The following DAGLA variants were observed in gnomAD, a reference collection of about 807,000 sequenced individuals.
DAGLA encodes diacylglycerol lipase-alpha.
In DAGLA, 22 loss-of-function variants were observed where a neutral mutation model predicts 102.6. That is an observed-to-expected ratio of 0.21 (90% CI 0.15 to 0.31). The LOEUF (loss-of-function observed/expected upper bound fraction) is 0.31. Ranked by LOEUF, DAGLA falls within the 10% of genes least tolerant of loss-of-function variation. DAGLA has a pLI of 1.00. For synonymous variants in DAGLA, 578 were observed against 628.9 expected (o/e 0.92, Z 1.21); for missense variants, 927 against 1,446.6 (o/e 0.64, Z 5.83).
At chr11:61,742,117 G>C (rs198439) in intron 19 of DAGLA, among the ~76,000 whole-genome samples, 100,958 of 152,018 alleles carry the variant, frequency 0.66, 33,877 homozygotes, top group East Asian at 0.96. Context: ...GGACAGGCAG[G>C]TGCTCATGGA....
chr11:61,699,096 G>C (rs1202618121), intron 1 of DAGLA, among the ~76,000 whole-genome samples: 5 of 152,166 alleles, frequency 3.3e-5, no homozygotes, highest in Non-Finnish European at 7.4e-5. Context: ...TATGGGTGGG[G>C]GCCAGCCTGA....
intron 17 of DAGLA, 71 bp downstream of exon 17, chr11:61,739,732 C>A (rs1052402471): frequency 1.3e-6 from 2 of 1,496,186 alleles, no homozygotes; most frequent in Non-Finnish European, 9.0e-7. Flanking sequence ...GCAGGGCCGG[C>A]CTTGGCTCAA....
At chr11:61,743,362 CAAAAAAAAAAAA>C (rs374336921) in intron 19 of DAGLA, among the ~76,000 whole-genome samples, 158 bp from the exon 20 acceptor site, 1 of 51,964 alleles carries the variant, frequency 1.9e-5, no homozygotes, top group Non-Finnish European at 4.2e-5. Flanking sequence ...GACTCTGTCT[CAAAAAAAAAAAA>C]AAAAAAAGAA....
rs2065296061 is a variant in DAGLA at position 61,722,908 on chromosome 11, C to T, written c.357C>T (p.Leu119=). ...FIYAIVGIVW[L]TQYYTSCNDL... Reference sequence around the variant, plus strand: ...ACGCCATCGTGGGCATCGTCTGGCTCACTCAGTACTACACCTCCTGCAACG... The same window carrying T: ...ACGCCATCGTGGGCATCGTCTGGCTTACTCAGTACTACACCTCCTGCAACG... Residue 119 remains leucine (L), a synonymous_variant, in exon 4 of 20, where the codon CTC becomes CTT. Transcript: ENST00000257215. The T allele has an allele frequency of 1.2e-6, 2 of 1,614,054 alleles. No homozygotes were observed. The highest frequency in any genetic ancestry group is 1.3e-5 in the African/African-American group (1 of 74,928).
At chr11:61,739,440 A>C (rs1260784596) in intron 16 of DAGLA, 25 bp from the exon 17 acceptor site, 2 of 1,479,596 alleles carry the variant, frequency 1.4e-6, no homozygotes, top group Admixed American at 1.8e-5. Context: ...CTCTGTCCCC[A>C]TCTCTCCCAC....
chr11:61,692,289 G>A (rs780757802), intron 1 of DAGLA, among the ~76,000 whole-genome samples: 1 of 152,136 alleles, frequency 6.6e-6, no homozygotes, highest in Non-Finnish European at 1.5e-5. Flanking sequence ...TGGGAGGGGA[G>A]CCTGCAGCCA....
rs2065538622 is a variant in DAGLA at position 61,746,326 on chromosome 11, T to G, written c.*1837T>G. ...GAAGCAAGACAAAATCAGTGGCTCT[T>G]AGAGTTTAGAAAACAAGACAGACTC... On this transcript the variant is annotated 3_prime_UTR_variant, in exon 20 of 20. Coordinates refer to ENST00000257215, the MANE Select transcript of DAGLA (RefSeq NM_006133.3). 6.6e-6 allele frequency: 1 copy of G among 152,438 alleles called. No individual in the cohort carries two copies. The allele number at this position is 152,438 out of a possible 1,614,324, so 9.4% of individuals were successfully genotyped here. A position where few individuals can be genotyped will look rare whatever the true frequency, so the allele number is the denominator to read the frequency against.
chr11:61,688,483 C>T (rs1324385741), intron 1 of DAGLA, among the ~76,000 whole-genome samples: 3 of 152,330 alleles, frequency 2.0e-5, no homozygotes, highest in Non-Finnish European at 4.4e-5. Context: ...TGCCAGCTGC[C>T]AAGAACTTGC....
chr11:61,730,193 C>G (rs1182439652), intron 8 of DAGLA, among the ~76,000 whole-genome samples: 2 of 152,074 alleles, frequency 1.3e-5, no homozygotes, highest in Non-Finnish European at 2.9e-5. Context: ...GTGCCCCAAA[C>G]CAGCCCATTT....
chr11:61,715,520 G>A (rs2065229437), intron 1 of DAGLA, among the ~76,000 whole-genome samples: 2 of 152,210 alleles, frequency 1.3e-5, no homozygotes, highest in Admixed American at 1.3e-4. Flanking sequence ...TGCTGCCAAG[G>A]GACTCTGCTC....
intron 17 of DAGLA, 74 bp downstream of exon 17, chr11:61,739,735 T>C (rs2065460618): frequency 6.8e-7 from 1 of 1,469,910 alleles, no homozygotes; most frequent in Non-Finnish European, 9.2e-7. Context: ...GGGCCGGCCT[T>C]GGCTCAATCA....
At chr11:61,718,260 G>A (rs572066880) in intron 1 of DAGLA, among the ~76,000 whole-genome samples, 6 of 152,228 alleles carry the variant, frequency 3.9e-5, no homozygotes, top group African/African-American at 9.6e-5. Context: ...AGCAGGATGC[G>A]GCTCTACAGC....
Position 61,741,265 on chromosome 11 carries a change from A to T in DAGLA, c.2087A>T (p.Gln696Leu). 6.2e-7 allele frequency: 1 copy of T among 1,613,132 alleles called. No individual in the cohort carries two copies. Residue 696 changes from glutamine to leucine, a missense_variant, in exon 19 of 20, where the codon CAG becomes CTG. Transcript: ENST00000257215. ...CTGACTCCTGAGCTCATCTTCCAGC[A>T]GCAGCCACTCCCCACGGGGCCGCCC... ...VDLTPELIFQ[Q>L]QPLPTGPPMP...
chr11:61,742,712 T>C (rs956627566), intron 19 of DAGLA, among the ~76,000 whole-genome samples: 2 of 152,132 alleles, frequency 1.3e-5, no homozygotes, highest in East Asian at 3.9e-4. Flanking sequence ...TGGAACCAGT[T>C]GGGCAGCTAT....
chr11:61,694,728 T>A (rs562357724), intron 1 of DAGLA, among the ~76,000 whole-genome samples: 1 of 152,262 alleles, frequency 6.6e-6, no homozygotes, highest in East Asian at 1.9e-4. Flanking sequence ...GTGGGAGAAA[T>A]CCATTCAAGT....
At chr11:61,728,815 G>A (rs898660520) in intron 7 of DAGLA, 116 bp from the exon 8 acceptor site, 32 of 832,006 alleles carry the variant, frequency 3.8e-5, no homozygotes, top group Non-Finnish European at 6.0e-5. Flanking sequence ...CTGCATGCTC[G>A]TTTGGGCTTC....
At chr11:61,687,189 A>G (rs1489186544) in intron 1 of DAGLA, among the ~76,000 whole-genome samples, 1 of 152,106 alleles carries the variant, frequency 6.6e-6, no homozygotes, top group Non-Finnish European at 1.5e-5. Context: ...TCACCTGCTC[A>G]GGGACACTCA....
intron 1 of DAGLA, among the ~76,000 whole-genome samples, chr11:61,700,184 G>T (rs1228370204): frequency 6.6e-6 from 1 of 152,222 alleles, no homozygotes; most frequent in Non-Finnish European, 1.5e-5. Context: ...TGGGGCACTG[G>T]TCCTGGGTTG....
intron 1 of DAGLA, among the ~76,000 whole-genome samples, chr11:61,694,463 C>T (rs1241494525): frequency 1.3e-5 from 2 of 152,234 alleles, no homozygotes; most frequent in East Asian, 1.9e-4. Flanking sequence ...TGAGAGCGAT[C>T]CACCACCCAT....
Sources: gnomAD v4.1 joint callset for allele counts (sites outside exome capture counted in the v4.1 genomes callset) on GRCh38, gnomAD v4.1.1 for gene constraint, MANE v1.5 for transcripts, NCBI Gene and HGNC (gene_info 2026-07-23, HGNC 2026-07-21) for gene names.